Variants in MAP3K9 observed in about 807,000 individuals in gnomAD.
MAP3K9 encodes the protein mixed lineage kinase 1 (tyr and ser/thr specificity).
A neutral mutation model predicts 95.8 loss-of-function variants in MAP3K9; 46 were observed. The ratio of observed to expected loss-of-function variants is 0.48; its 90% CI spans 0.38 to 0.61. The LOEUF (loss-of-function observed/expected upper bound fraction) is 0.61, where lower values mean the gene tolerates loss of function less well. Among genes scored for constraint, MAP3K9 ranks in the 20% least tolerant of loss-of-function variants. The probability of loss-of-function intolerance (pLI) is 0.00; values close to 1 mark genes in which losing one functional copy is unlikely to be tolerated. For missense variants in MAP3K9, 1,296 were observed against 1,474.3 expected, an observed-to-expected ratio of 0.88 and a Z score of 1.98; for synonymous variants, 533 against 593.8, an observed-to-expected ratio of 0.90 and a Z score of 1.49.
chr14:70,742,604 C>T lies in MAP3K9; in HGVS notation c.1327-13G>A, dbSNP rs1424689843. On this transcript the variant is annotated splice_polypyrimidine_tract_variant and intron_variant, in intron 5 of 11. Transcript: ENST00000554752. ...AGGTGCGAAGTTCCTGCAGGATGGGCAGAACCATCAGAGAAAAGACTGGGG... is the reference window on the plus strand; with the variant it reads ...AGGTGCGAAGTTCCTGCAGGATGGGTAGAACCATCAGAGAAAAGACTGGGG... 6.2e-6 allele frequency: 10 copies of T among 1,611,876 alleles called. No individual in the cohort carries two copies. Among genetic ancestry groups the T allele is most frequent in the Non-Finnish European group, 8.5e-6 (10 of 1,178,852 alleles).
intron 2 of MAP3K9, among the ~76,000 whole-genome samples, chr14:70,761,742 T>C (rs940319032): frequency 1.3e-5 from 2 of 152,258 alleles, no homozygotes; most frequent in Non-Finnish European, 2.9e-5. Flanking sequence ...ATTTTATTTT[T>C]TGTAGACCTT....
At chr14:70,754,471 G>A (rs141835827) in intron 3 of MAP3K9, among the ~76,000 whole-genome samples, 93 of 152,096 alleles carry the variant, frequency 6.1e-4, no homozygotes, top group African/African-American at 2.1e-3. Context: ...TACAGAAAAC[G>A]TTTTGCTATT....
At chr14:70,806,858 A>C (rs2054995107) in intron 1 of MAP3K9, among the ~76,000 whole-genome samples, 1 of 152,184 alleles carries the variant, frequency 6.6e-6, no homozygotes, top group Non-Finnish European at 1.5e-5. Context: ...TTAAAATGAC[A>C]CTGTTTTCTA....
At chr14:70,748,120 A>AAAAG (rs2054174835) in intron 5 of MAP3K9, among the ~76,000 whole-genome samples, 1 of 148,896 alleles carries the variant, frequency 6.7e-6, no homozygotes, top group African/African-American at 2.5e-5. Context: ...AAAAAAAAAA[A>AAAAG]TGGTAAAAGA....
In MAP3K9 at chr14:70,730,621, C is replaced by A; in HGVS notation, c.3074G>T (p.Ser1025Ile). 6.2e-7 allele frequency: 1 copy of A among 1,613,952 alleles called. No individual in the cohort carries two copies. The highest frequency in any genetic ancestry group is 1.1e-5 in the South Asian group (1 of 91,080). ...ARSTSPANSS[S>I]TETPSNLDSC... is the part of the protein sequence containing the mutation. ...GTCCAGGTTGCTGGGCGTCTCTGTG[C>A]TGGAGCTGTTGGCTGGGGAGGTGCT... The change falls in exon 12 of 12, where the codon AGC becomes ATC. Residue 1025 changes from serine to isoleucine, a missense_variant. By Grantham distance (142) the Ser-to-Ile change is moderately radical. Coordinates refer to ENST00000554752, the MANE Select transcript of MAP3K9 (RefSeq NM_001284230.2).
intron 8 of MAP3K9, 114 bp from the exon 9 acceptor site, chr14:70,736,143 A>G: frequency 1.3e-6 from 1 of 750,060 alleles, no homozygotes; most frequent in Non-Finnish European, 2.4e-6. Flanking sequence ...CTGCCTTCCC[A>G]CTGTCCAGAC....
At chr14:70,775,108 T>C (rs2054580729) in intron 2 of MAP3K9, among the ~76,000 whole-genome samples, 1 of 151,612 alleles carries the variant, frequency 6.6e-6, no homozygotes, top group African/African-American at 2.4e-5. Flanking sequence ...ACTTTCATCA[T>C]TGTCGAAATC....
intron 3 of MAP3K9, among the ~76,000 whole-genome samples, chr14:70,757,807 T>TA (rs2054317146): frequency 6.6e-6 from 1 of 152,074 alleles, no homozygotes; most frequent in African/African-American, 2.4e-5. Context: ...TGGGAAAAAA[T>TA]GGTCTTTTCA....
Position 70,730,474 on chromosome 14 carries a change from C to T in MAP3K9, c.3221G>A (p.Gly1074Glu). 1 of 1,614,148 alleles carries T rather than the reference C, an allele frequency of 6.2e-7. No homozygotes were observed. Among genetic ancestry groups the T allele is most frequent in the Non-Finnish European group, 8.5e-7 (1 of 1,180,032 alleles). ...ERTLLDLDAE[G>E]QSQDSTVPLC... ...CGGCACGGTGCTGTCCTGACTCTGCCCCTCTGCATCCAGGTCCAGGAGCGT... is the reference window on the plus strand; with the variant it reads ...CGGCACGGTGCTGTCCTGACTCTGCTCCTCTGCATCCAGGTCCAGGAGCGT... Residue 1074 changes from glycine (G) to glutamate (E), a missense_variant, in exon 12 of 12, where the codon GGG (glycine) becomes GAG (glutamate). Transcript: ENST00000554752.
At chr14:70,765,462 G>A (rs1480686438) in intron 2 of MAP3K9, 3 of 694,098 alleles carry the variant, frequency 4.3e-6, no homozygotes, top group Admixed American at 4.1e-5. Context: ...TTCCAGTCCT[G>A]TAAGCTCCAT....
chr14:70,747,089 T>C (rs1025831522), intron 5 of MAP3K9, among the ~76,000 whole-genome samples: 5 of 152,246 alleles, frequency 3.3e-5, no homozygotes, highest in Non-Finnish European at 5.9e-5. Flanking sequence ...ATTGCTATGT[T>C]CCATAAAAAG....
chr14:70,729,320 G>T lies in MAP3K9; in HGVS notation c.*1060C>A, dbSNP rs367883099. The T allele has an allele frequency of 1.3e-5, 2 of 152,310 alleles. No homozygotes were observed. Among genetic ancestry groups the T allele is most frequent in the South Asian group, 2.1e-4 (1 of 4,822 alleles). The allele number at this position is 152,310 out of a possible 1,614,324, so 9.4% of individuals were successfully genotyped here. On this transcript the variant is annotated 3_prime_UTR_variant, in exon 12 of 12. Coordinates refer to ENST00000554752, the MANE Select transcript of MAP3K9 (RefSeq NM_001284230.2). ...GTCCCAATGTCCAGGTGGCCATATG[G>T]TATTCTGCTTCATAGCTGTTCTAGG...
Position 70,748,979 on chromosome 14 carries a change from T to C in MAP3K9, c.1176A>G (p.Ser392=), listed in dbSNP as rs1276693909. ...CCAGGATATTCGTGAAAGATGGTCG[T>C]GAGTGGGGATCAGGATTCCAGCAGT... The part of the protein sequence containing the change: ...MEDCWNPDPH[S]RPSFTNILDQ... The change falls in exon 5 of 12, where the codon TCA becomes TCG. Residue 392 remains serine (S), a synonymous_variant. Coordinates refer to ENST00000554752, the MANE Select transcript of MAP3K9 (RefSeq NM_001284230.2). 6.2e-7 allele frequency: 1 copy of C among 1,613,788 alleles called. No homozygotes were observed. Among genetic ancestry groups the C allele is most frequent in the African/African-American group, 1.3e-5 (1 of 75,010 alleles).
At chr14:70,772,488 A>G (rs1467950921) in intron 2 of MAP3K9, among the ~76,000 whole-genome samples, 1 of 152,226 alleles carries the variant, frequency 6.6e-6, no homozygotes, top group African/African-American at 2.4e-5. Flanking sequence ...AGGAATAATA[A>G]GCGCTCAATA....
At position 70,726,836 on chromosome 14, in the gene MAP3K9, T is replaced by C. The variant is rs1424523683; in HGVS notation, c.*3544A>G. Reference sequence around the variant, plus strand: ...TCCTCTAGGAGCTGGCAAGGAGCTATGGTGTTTCACTGACCTTCTCTGATA... The same window carrying C: ...TCCTCTAGGAGCTGGCAAGGAGCTACGGTGTTTCACTGACCTTCTCTGATA... On this transcript the variant is annotated 3_prime_UTR_variant, in exon 12 of 12. Coordinates refer to ENST00000554752, the MANE Select transcript of MAP3K9 (RefSeq NM_001284230.2). 1 of 152,262 alleles carries C rather than the reference T, an allele frequency of 6.6e-6. No homozygotes were observed. Among genetic ancestry groups the C allele is most frequent in the African/African-American group, 2.4e-5 (1 of 41,456 alleles). 9.4% of individuals were successfully genotyped at this position (152,262 alleles called of 1,614,324 possible).
chr14:70,744,400 C>A (rs1479085655), intron 5 of MAP3K9, among the ~76,000 whole-genome samples: 1 of 151,868 alleles, frequency 6.6e-6, no homozygotes. Context: ...CCAACTTAAT[C>A]CAGCTTAAAA....
At chr14:70,808,136 C>T (rs900483002) in intron 1 of MAP3K9, among the ~76,000 whole-genome samples, 1 of 152,228 alleles carries the variant, frequency 6.6e-6, no homozygotes, top group African/African-American at 2.4e-5. Flanking sequence ...ACACACACAT[C>T]CCTCTTAGCA....
rs767982685 is a variant in MAP3K9 at position 70,730,817 on chromosome 14, G to A, written c.2878C>T (p.Arg960Cys). The A allele has an allele frequency of 1.1e-5, 18 of 1,611,916 alleles. No individual in the cohort carries two copies. The highest frequency in any genetic ancestry group is 6.7e-5 in the Admixed American group (4 of 59,954). ...AAGACCACATTGGGGTCAGGGAGAC[G>A]GGGGAATTCACCTGGGTCTCGGCTG... ...SPSRDPGEFPRLPDPNVVFPP... is the reference protein window; with the variant it reads ...SPSRDPGEFPCLPDPNVVFPP... The change falls in exon 12 of 12, where the codon CGT becomes TGT. Residue 960 changes from arginine to cysteine, a missense_variant. Coordinates refer to ENST00000554752, the MANE Select transcript of MAP3K9 (RefSeq NM_001284230.2).
At chr14:70,753,987 G>C (rs1362259750) in intron 3 of MAP3K9, among the ~76,000 whole-genome samples, 2 of 152,196 alleles carry the variant, frequency 1.3e-5, no homozygotes, top group African/African-American at 2.4e-5. Flanking sequence ...GCTCTGAAAG[G>C]AGGTGACCAG....
Sources: gnomAD v4.1 joint callset for allele counts (sites outside exome capture counted in the v4.1 genomes callset) on GRCh38, gnomAD v4.1.1 for gene constraint, MANE v1.5 for transcripts, NCBI Gene and HGNC (gene_info 2026-07-23, HGNC 2026-07-21) for gene names.